Variants in NAALADL2 observed in about 807,000 individuals in gnomAD.
The protein encoded by NAALADL2 is N-acetylated alpha-linked acidic dipeptidase like 2.
A neutral mutation model predicts 87.2 loss-of-function variants in NAALADL2; 76 were observed. That is an observed-to-expected ratio of 0.87 (90% CI 0.72 to 1.05). The LOEUF (loss-of-function observed/expected upper bound fraction) is 1.05, where lower values mean the gene tolerates loss of function less well. NAALADL2 is among the 50% of genes least tolerant of loss of function. The pLI is 0.00. For synonymous variants in NAALADL2, 354 were observed against 331.0 expected (o/e 1.07, Z -0.75); for missense variants, 1,089 against 945.8 (o/e 1.15, Z -1.99).
At chr3:175,421,939 G>A (rs1361739607) in intron 5 of NAALADL2, among the ~76,000 whole-genome samples, 1 of 152,048 alleles carries the variant, frequency 6.6e-6, no homozygotes, top group Non-Finnish European at 1.5e-5. Flanking sequence ...CCCTGGTGAA[G>A]GAGTTTGTCT....
intron 9 of NAALADL2, among the ~76,000 whole-genome samples, chr3:175,485,708 C>A (rs1180039078): frequency 6.6e-6 from 1 of 152,152 alleles, no homozygotes; most frequent in Non-Finnish European, 1.5e-5. Context: ...CTGACAGCCA[C>A]TGGATGGTGC....
intron 5 of NAALADL2, among the ~76,000 whole-genome samples, chr3:175,437,338 C>T (rs1233340381): frequency 6.9e-6 from 1 of 145,538 alleles, no homozygotes; most frequent in Admixed American, 7.1e-5. Flanking sequence ...CATGAGTGAA[C>T]TCCCATTCAC....
rs891174235 is a variant in NAALADL2 at position 175,209,289 on chromosome 3, G to A, written c.546-24642G>A. On this transcript the variant is annotated intron_variant, in intron 2 of 13. Transcript: ENST00000454872. ...GCTGAAGATAAAAGCAGAAAAAAAA[G>A]CATTTAGTTCAGTGCAGAGTCTGGA... Among the ~76,000 whole-genome samples the A allele has an allele frequency of 1.4e-4, 22 of 152,036 alleles. 1 individual carries two copies. The highest frequency in any genetic ancestry group is 4.1e-4 in the South Asian group (2 of 4,832).
At chr3:175,378,190 A>G (rs1400619727) in intron 5 of NAALADL2, among the ~76,000 whole-genome samples, 1 of 151,302 alleles carries the variant, frequency 6.6e-6, no homozygotes, top group African/African-American at 2.4e-5. Context: ...CCGACACCCA[A>G]AAGCACTCAC....
intron 6 of NAALADL2, among the ~76,000 whole-genome samples, chr3:175,451,444 T>G (rs1396470116): frequency 6.6e-6 from 1 of 152,188 alleles, no homozygotes; most frequent in East Asian, 1.9e-4. Context: ...GAATGGTCTT[T>G]TTCTTTGTAG....
chr3:174,931,696 T>C (rs1736912264), intron 1 of NAALADL2, among the ~76,000 whole-genome samples: 1 of 152,120 alleles, frequency 6.6e-6, no homozygotes, highest in African/African-American at 2.4e-5. Context: ...AACAAAGACA[T>C]GGACATGGAC....
chr3:175,255,681 A>G (rs1311510267), intron 3 of NAALADL2, among the ~76,000 whole-genome samples: 2 of 152,164 alleles, frequency 1.3e-5, no homozygotes, highest in African/African-American at 4.8e-5. Context: ...ACTACAAGAG[A>G]AGGTTTTTAT....
chr3:174,850,301 C>T (rs1436905276), intron 3 of NAALADL2, among the ~76,000 whole-genome samples: 1 of 152,036 alleles, frequency 6.6e-6, no homozygotes, highest in Non-Finnish European at 1.5e-5. Flanking sequence ...TGTTATTTGC[C>T]TCTTTTGCTG....
At chr3:175,449,911 G>A (rs924772653) in intron 6 of NAALADL2, among the ~76,000 whole-genome samples, 1 of 152,016 alleles carries the variant, frequency 6.6e-6, no homozygotes, top group Non-Finnish European at 1.5e-5. Flanking sequence ...AAATTGTTAT[G>A]TTTTTTAAAA....
At chr3:174,800,276 G>T (rs73050161) in intron 3 of NAALADL2, among the ~76,000 whole-genome samples, 29 of 152,076 alleles carry the variant, frequency 1.9e-4, no homozygotes, top group Non-Finnish European at 3.7e-4. Context: ...AAATGGTTTC[G>T]TGGGCTGGGC....
At chr3:175,784,373 A>T (rs1751600497) in intron 13 of NAALADL2, among the ~76,000 whole-genome samples, 1 of 151,434 alleles carries the variant, frequency 6.6e-6, no homozygotes, top group African/African-American at 2.4e-5. Context: ...TATTGCCACA[A>T]TTTCAGCTCC....
chr3:175,325,894 A>G (rs1230722778), intron 5 of NAALADL2, among the ~76,000 whole-genome samples: 2 of 152,166 alleles, frequency 1.3e-5, no homozygotes, highest in Non-Finnish European at 2.9e-5. Flanking sequence ...CTTTTCATCC[A>G]TACTAATGTT....
chr3:175,013,299 ATAT>A (rs1419194826), intron 1 of NAALADL2, among the ~76,000 whole-genome samples: 37 of 75,154 alleles, frequency 4.9e-4, no homozygotes, highest in African/African-American at 2.3e-3. Flanking sequence ...ATATATATAT[ATAT>A]TTTTTTTTTT....
rs539906032 is a variant in NAALADL2 at position 175,517,663 on chromosome 3, G to T, written c.1653+45905G>T. On this transcript the variant is annotated intron_variant, in intron 9 of 13. Transcript: ENST00000454872. ...GCATCGTTGTCTGTGGTAAATCCTC[G>T]AGGTTCATCATCTCATGCCAAGAAG... 8.7e-4 allele frequency among the ~76,000 whole-genome samples: 132 copies of T among 152,172 alleles called. 1 individual carries two copies. Among genetic ancestry groups the T allele is most frequent in the Admixed American group, 4.1e-3 (62 of 15,282 alleles).
chr3:175,230,231 TGA>T (rs1744742130), intron 2 of NAALADL2, among the ~76,000 whole-genome samples: 1 of 151,918 alleles, frequency 6.6e-6, no homozygotes, highest in African/African-American at 2.4e-5. Context: ...GGAAAAAAAA[TGA>T]GAATAACTTC....
At chr3:174,471,612 G>T (rs1716912100) in intron 1 of NAALADL2, among the ~76,000 whole-genome samples, 1 of 151,936 alleles carries the variant, frequency 6.6e-6, no homozygotes, top group South Asian at 2.1e-4. Flanking sequence ...ATGCATAGTG[G>T]TTATAAAAAT....
intron 1 of NAALADL2, among the ~76,000 whole-genome samples, chr3:174,972,355 T>G (rs750383497): frequency 1.3e-5 from 2 of 152,172 alleles, no homozygotes; most frequent in African/African-American, 4.8e-5. Context: ...TTAAGCAACA[T>G]AAATTTGTTT....
chr3:175,792,401 A>G (rs142776360), intron 13 of NAALADL2, among the ~76,000 whole-genome samples: 207 of 152,314 alleles, frequency 1.4e-3, no homozygotes, highest in African/African-American at 4.0e-3. Context: ...TCAGTAGGTC[A>G]ATTGCTGCAC....
chr3:174,605,127 T>A (rs1228666370), intron 2 of NAALADL2, among the ~76,000 whole-genome samples: 1 of 152,170 alleles, frequency 6.6e-6, no homozygotes, highest in Non-Finnish European at 1.5e-5. Flanking sequence ...TTAAAGCTGA[T>A]TACAACATAA....
Sources: gnomAD v4.1 joint callset for allele counts (sites outside exome capture counted in the v4.1 genomes callset) on GRCh38, gnomAD v4.1.1 for gene constraint, MANE v1.5 for transcripts, NCBI Gene and HGNC (gene_info 2026-07-23, HGNC 2026-07-21) for gene names.